Variants in TMEM233 observed in about 807,000 individuals in gnomAD.
TMEM233 encodes the protein transmembrane protein 233.
In TMEM233, 6 loss-of-function variants were observed where a neutral mutation model predicts 11.2. The observed-to-expected ratio is 0.54, with a 90% confidence interval of 0.29 to 1.06. The LOEUF (loss-of-function observed/expected upper bound fraction) is 1.06. Ranked by LOEUF, TMEM233 falls within the 50% of genes least tolerant of loss-of-function variation. The pLI, the probability that TMEM233 is intolerant of heterozygous loss-of-function variation, is 0.08. For synonymous variants in TMEM233, 59 were observed against 55.8 expected (o/e 1.06, Z -0.26); for missense variants, 127 against 144.7 (o/e 0.88, Z 0.63).
intron 1 of TMEM233, among the ~76,000 whole-genome samples, chr12:119,610,823 C>A (rs1275258577): frequency 6.6e-6 from 1 of 152,116 alleles, no homozygotes; most frequent in East Asian, 1.9e-4. Context: ...TAATACAACC[C>A]ATTTGCAGTC....
At chr12:119,602,271 G>C (rs1954184176) in intron 1 of TMEM233, among the ~76,000 whole-genome samples, 1 of 152,128 alleles carries the variant, frequency 6.6e-6, no homozygotes, top group Non-Finnish European at 1.5e-5. Flanking sequence ...CTGTGAACTT[G>C]GAAATAACAG....
chr12:119,620,048 T>A (rs1954610682), intron 1 of TMEM233, among the ~76,000 whole-genome samples: 1 of 152,232 alleles, frequency 6.6e-6, no homozygotes, highest in Admixed American at 6.5e-5. Flanking sequence ...CAACACATAC[T>A]TATTGCTCTC....
intron 1 of TMEM233, among the ~76,000 whole-genome samples, chr12:119,613,234 C>G (rs1448117936): frequency 1.4e-5 from 2 of 146,646 alleles, no homozygotes; most frequent in Non-Finnish European, 3.0e-5. Flanking sequence ...AAAAAAAGGG[C>G]TACAGGTTGG....
the TMEM233 span, among the ~76,000 whole-genome samples, chr12:119,648,593 G>A: frequency 6.6e-6 from 1 of 152,194 alleles, no homozygotes; most frequent in South Asian, 2.1e-4. Context: ...ATGGTAGTTA[G>A]ATGCAGTTTG....
intron 2 of TMEM233, among the ~76,000 whole-genome samples, chr12:119,630,904 A>G (rs574484301): frequency 6.6e-6 from 1 of 152,306 alleles, no homozygotes; most frequent in East Asian, 1.9e-4. Context: ...GTCACTACAT[A>G]TTTTTGGTAT....
chr12:119,628,150 A>T (rs1230277522), intron 1 of TMEM233, among the ~76,000 whole-genome samples: 2 of 151,482 alleles, frequency 1.3e-5, no homozygotes, highest in Admixed American at 1.3e-4. Context: ...CTGCTTTTAT[A>T]TTTTATTTTT....
At chr12:119,616,255 T>C (rs1383110931) in intron 1 of TMEM233, among the ~76,000 whole-genome samples, 1 of 152,184 alleles carries the variant, frequency 6.6e-6, no homozygotes, top group East Asian at 1.9e-4. Flanking sequence ...CCTGCATGCC[T>C]TATGAAATAC....
At chr12:119,599,231 AG>A (rs891977928) in intron 1 of TMEM233, among the ~76,000 whole-genome samples, 25 of 152,360 alleles carry the variant, frequency 1.6e-4, no homozygotes, top group Admixed American at 3.3e-4. Context: ...GTAGCACAAT[AG>A]GGTGACTGTA....
At chr12:119,629,634 C>A in intron 1 of TMEM233, 102 bp from the exon 2 acceptor site, 1 of 1,258,440 alleles carries the variant, frequency 7.9e-7, no homozygotes, top group South Asian at 1.6e-5. Flanking sequence ...AGCAAAGTCA[C>A]CAGAGAGCTC....
chr12:119,617,162 C>T (rs1460305537), intron 1 of TMEM233, among the ~76,000 whole-genome samples: 24 of 152,050 alleles, frequency 1.6e-4, no homozygotes, highest in Admixed American at 1.6e-3. Context: ...CAGAAGAAGA[C>T]AAGAAAATGT....
At chr12:119,614,177 G>A (rs972995549) in intron 1 of TMEM233, among the ~76,000 whole-genome samples, 1 of 152,160 alleles carries the variant, frequency 6.6e-6, no homozygotes, top group Non-Finnish European at 1.5e-5. Context: ...GGAGGCTGAG[G>A]CAGGTGGATC....
chr12:119,627,019 G>A (rs192135452), intron 1 of TMEM233, among the ~76,000 whole-genome samples: 86 of 152,356 alleles, frequency 5.6e-4, no homozygotes, highest in African/African-American at 1.9e-3. Flanking sequence ...TGGGGAAACC[G>A]GGGAAAAGGC....
rs565512039 is a variant in TMEM233 at position 119,595,716 on chromosome 12, C to G, written c.186+1682C>G. Reference sequence around the variant, plus strand: ...ACGGTATCTTTACAAAATCTTTACTCAAATGTCACTTCATGAGGCCTTCTG... The same window carrying G: ...ACGGTATCTTTACAAAATCTTTACTGAAATGTCACTTCATGAGGCCTTCTG... On this transcript the variant is annotated intron_variant, in intron 1 of 2. Coordinates refer to ENST00000426426, the MANE Select transcript of TMEM233 (RefSeq NM_001136534.3). This position sits in a 1 kb window ranked among gnomAD's most constrained non-coding sequence, Gnocchi z 4.3. Among the ~76,000 whole-genome samples, 151 of 152,316 alleles carry G rather than the reference C, an allele frequency of 9.9e-4. 2 individuals are homozygous for G. The highest frequency in any genetic ancestry group is 3.9e-3 in the Admixed American group (59 of 15,300).
At chr12:119,631,687 C>G in intron 2 of TMEM233, 1 of 985,118 alleles carries the variant, frequency 1.0e-6, no homozygotes, top group Non-Finnish European at 1.2e-6. Context: ...TTTAATGGTG[C>G]AGTTTTGGCA....
At position 119,629,919 on chromosome 12, in the gene TMEM233, G is replaced by A. The variant is rs145659218; in HGVS notation, c.323+47G>A. 1,652 of 1,531,594 alleles carry A rather than the reference G, an allele frequency of 1.1e-3. 18 individuals carry two copies. The African/African-American group carries it at 0.017, about 16-fold the overall frequency. The allele number at this position is 1,531,594 out of a possible 1,614,324, so 94.9% of individuals were successfully genotyped here. A position where few individuals can be genotyped will look rare whatever the true frequency, so the allele number is the denominator to read the frequency against. On this transcript the variant is annotated intron_variant, in intron 2 of 2. Transcript: ENST00000426426. ...CTCCCCATGTCAAACGCCCTTTCTC[G>A]AACGCCCGTTGGAATCTGTTAGGGT...
intron 1 of TMEM233, among the ~76,000 whole-genome samples, chr12:119,628,169 T>A (rs1258311026): frequency 6.6e-6 from 1 of 150,954 alleles, no homozygotes; most frequent in Admixed American, 6.6e-5. Flanking sequence ...TTTTTATTTT[T>A]ATTTTTGAGA....
chr12:119,633,861 G>A (rs185493292), intron 2 of TMEM233, among the ~76,000 whole-genome samples: 5 of 152,268 alleles, frequency 3.3e-5, no homozygotes. Flanking sequence ...CTCCATAAGA[G>A]TTACCTGGAG....
chr12:119,620,567 A>C (rs544579865), intron 1 of TMEM233, among the ~76,000 whole-genome samples: 18 of 152,348 alleles, frequency 1.2e-4, no homozygotes, highest in African/African-American at 3.8e-4. Context: ...AGGAAGCCTT[A>C]AAAAGAATAA....
intron 2 of TMEM233, among the ~76,000 whole-genome samples, chr12:119,630,085 T>C (rs1229051660): frequency 1.3e-5 from 2 of 152,232 alleles, no homozygotes; most frequent in Non-Finnish European, 2.9e-5. Flanking sequence ...CTTTGGTAAA[T>C]GACCAAATAG....
Sources: gnomAD v4.1 joint callset for allele counts (sites outside exome capture counted in the v4.1 genomes callset) on GRCh38, gnomAD v4.1.1 for gene constraint, Gnocchi (gnomAD v3.1) non-coding constraint, MANE v1.5 for transcripts, NCBI Gene and HGNC (gene_info 2026-07-23, HGNC 2026-07-21) for gene names.